Variants in SYNE1 observed in about 807,000 individuals in gnomAD.
The protein encoded by SYNE1 is spectrin repeat containing nuclear envelope protein 1, also known as nesprin-1.
In SYNE1, 616 loss-of-function variants were observed where a neutral mutation model predicts 1,111.0. That is an observed-to-expected ratio of 0.55 (90% CI 0.52 to 0.59). SYNE1 has a LOEUF of 0.59. Among genes scored for constraint, SYNE1 ranks in the 20% least tolerant of loss-of-function variants. The pLI, the probability that SYNE1 is intolerant of heterozygous loss-of-function variation, is 0.00. For missense variants in SYNE1, 10,006 were observed against 10,417.0 expected (o/e 0.96, Z 1.72); for synonymous variants, 3,855 against 3,825.8 (o/e 1.01, Z -0.28).
At chr6:152,218,182 A>C in intron 121 of SYNE1, 75 bp downstream of exon 121, 2 of 1,550,212 alleles carry the variant, frequency 1.3e-6, no homozygotes, top group Non-Finnish European at 1.8e-6. Flanking sequence ...ACAGAGTGAG[A>C]CTCCATCTCA....
intron 3 of SYNE1, among the ~76,000 whole-genome samples, chr6:152,576,764 G>GA (rs1406608958): frequency 2.0e-5 from 3 of 152,146 alleles, no homozygotes; most frequent in African/African-American, 4.8e-5. Flanking sequence ...AGAATTAGTG[G>GA]AAAAATCCAA....
chr6:152,463,274 T>C (rs2098744957), intron 19 of SYNE1, 79 bp downstream of exon 19: 19 of 1,598,150 alleles, frequency 1.2e-5, no homozygotes, highest in Non-Finnish European at 5.1e-6. Flanking sequence ...GCTCTAAAAA[T>C]AGCATTCTCT....
chr6:152,409,851 C>T, intron 42 of SYNE1, 142 bp from the exon 43 acceptor site: 2 of 876,634 alleles, frequency 2.3e-6, no homozygotes, highest in South Asian at 1.6e-5. Flanking sequence ...CAAACTAGTG[C>T]TGCTGGTTAA....
intron 17 of SYNE1, among the ~76,000 whole-genome samples, 173 bp from the exon 18 acceptor site, chr6:152,465,633 A>AT (rs1024026446): frequency 5.3e-5 from 8 of 152,142 alleles, no homozygotes; most frequent in African/African-American, 1.9e-4. Context: ...TATTTTACAA[A>AT]TTGTGTCTTT....
At chr6:152,478,953 G>T (rs1211387587) in intron 14 of SYNE1, among the ~76,000 whole-genome samples, 1 of 152,218 alleles carries the variant, frequency 6.6e-6, no homozygotes, top group African/African-American at 2.4e-5. Flanking sequence ...ATGTGGATGA[G>T]TGGGGCTTTT....
intron 40 of SYNE1, 75 bp downstream of exon 40, chr6:152,419,494 G>C: frequency 7.1e-7 from 1 of 1,404,902 alleles, no homozygotes; most frequent in Non-Finnish European, 9.7e-7. Flanking sequence ...TTAAAATGTT[G>C]CATCTCTTTT....
chr6:152,235,384 G>A (rs1010239000), intron 110 of SYNE1, among the ~76,000 whole-genome samples: 6 of 152,146 alleles, frequency 3.9e-5, no homozygotes, highest in Admixed American at 3.9e-4. Flanking sequence ...TTTTTGAGAT[G>A]GAGTTTCGCT....
At chr6:152,157,222 T>C (rs2061549567) in intron 131 of SYNE1, among the ~76,000 whole-genome samples, 1 of 152,214 alleles carries the variant, frequency 6.6e-6, no homozygotes, top group South Asian at 2.1e-4. Flanking sequence ...GGCATATATA[T>C]ACACAATGGA....
chr6:152,475,289 T>G (rs1169421183), intron 14 of SYNE1, among the ~76,000 whole-genome samples: 1 of 152,176 alleles, frequency 6.6e-6, no homozygotes, highest in African/African-American at 2.4e-5. Context: ...TCATTGTAAG[T>G]TGAAAATGTT....
chr6:152,228,023 C>T (rs1279569730), intron 115 of SYNE1, among the ~76,000 whole-genome samples: 4 of 151,950 alleles, frequency 2.6e-5, no homozygotes, highest in Non-Finnish European at 5.9e-5. Flanking sequence ...TAATAAATCA[C>T]CTATAAAAGA....
intron 33 of SYNE1, chr6:152,434,244 T>A (rs1323865869): frequency 5.5e-6 from 2 of 360,458 alleles, no homozygotes; most frequent in East Asian, 1.2e-4. Context: ...CTAATTAAAC[T>A]CTGCATGTGA....
intron 41 of SYNE1, among the ~76,000 whole-genome samples, chr6:152,415,191 G>C (rs1279257192): frequency 6.6e-6 from 1 of 152,128 alleles, no homozygotes; most frequent in African/African-American, 2.4e-5. Flanking sequence ...AAAAAAAATT[G>C]AAAAGAAGGC....
intron 4 of SYNE1, among the ~76,000 whole-genome samples, chr6:152,529,590 G>T (rs2099186092): frequency 6.6e-6 from 1 of 152,156 alleles, no homozygotes; most frequent in Admixed American, 6.6e-5. Context: ...ACTCAGAAGT[G>T]CTGCTGAACT....
chr6:152,455,990 C>T lies in SYNE1; in HGVS notation c.2623G>A (p.Gly875Ser). The T allele has an allele frequency of 6.2e-7, 1 of 1,614,100 alleles. No individual in the cohort carries two copies. Among genetic ancestry groups the T allele is most frequent in the Non-Finnish European group, 8.5e-7 (1 of 1,179,998 alleles). ...ACAAACTTTTGAACACTTTGACTGC[C>T]TTTCTCAATAAGTGTCAAGGTTTTC... Reference protein sequence around the residue: ...CKKTLTLIEKGSQSVQKFVTL... With the variant: ...CKKTLTLIEKSSQSVQKFVTL... The change falls in exon 23 of 146, where the codon GGC becomes AGC. Residue 875 changes from glycine to serine, a missense_variant. By Grantham distance (56) the Gly-to-Ser change is moderately conservative. This residue lies in a region of SYNE1 where 1,971 missense variants were observed against 2,084.1 expected (regional missense o/e 0.95). Transcript: ENST00000367255.
chr6:152,603,825 T>G (rs1316797636), intron 3 of SYNE1, among the ~76,000 whole-genome samples: 1 of 147,152 alleles, frequency 6.8e-6, no homozygotes, highest in Non-Finnish European at 1.5e-5. Context: ...TATATATATA[T>G]AGATATACTA....
Position 152,334,120 on chromosome 6 carries a change from G to A in SYNE1, c.12682C>T (p.Leu4228=), listed in dbSNP as rs1230466861. The part of the protein sequence containing the change: ...WLDLCRQSNN[L]CLQREEDLQR... ...AGATCCTCTTCCCTTTGCAAGCACA[G>A]GTTGTTAGACTGACGGCACAAATCG... Residue 4228 remains leucine (L), a synonymous_variant, in exon 77 of 146, where the codon CTG becomes TTG. Coordinates refer to ENST00000367255, the MANE Select transcript of SYNE1 (RefSeq NM_182961.4). The A allele has an allele frequency of 1.9e-6, 3 of 1,614,004 alleles. No homozygotes were observed. The highest frequency in any genetic ancestry group is 2.7e-5 in the African/African-American group (2 of 74,924).
At chr6:152,629,838 A>T (rs2623941) in intron 2 of SYNE1, among the ~76,000 whole-genome samples, 8 of 151,644 alleles carry the variant, frequency 5.3e-5, no homozygotes, top group African/African-American at 1.9e-4. Context: ...GAGAGGAAGA[A>T]GGGGAGAATG....
chr6:152,500,142 TA>T (rs2154321678), intron 10 of SYNE1, among the ~76,000 whole-genome samples: 1 of 152,306 alleles, frequency 6.6e-6, no homozygotes, highest in African/African-American at 2.4e-5. Context: ...CTGGGTAATA[TA>T]AGGACTTCAC....
chr6:152,314,580 A>G (rs2095650614), intron 87 of SYNE1, among the ~76,000 whole-genome samples: 1 of 152,006 alleles, frequency 6.6e-6, no homozygotes, highest in African/African-American at 2.4e-5. Context: ...CCTCCCCTAA[A>G]TAATCAACTC....
Sources: gnomAD v4.1 joint callset for allele counts (sites outside exome capture counted in the v4.1 genomes callset) on GRCh38, gnomAD v4.1.1 for gene constraint, gnomAD v4.1.1 regional missense constraint, MANE v1.5 for transcripts, NCBI Gene and HGNC (gene_info 2026-07-23, HGNC 2026-07-21) for gene names.